Variants in PRKN observed in about 807,000 individuals in gnomAD.
PRKN encodes the protein E3 ubiquitin-protein ligase parkin.
In PRKN, 56 loss-of-function variants were observed where a neutral mutation model predicts 59.5. The observed-to-expected ratio is 0.94, with a 90% CI of 0.76 to 1.18. The LOEUF (loss-of-function observed/expected upper bound fraction) is 1.18, where lower values mean the gene tolerates loss of function less well. PRKN is among the 50% of genes most tolerant of loss of function. The pLI is 0.00. For synonymous variants in PRKN, 250 were observed against 222.1 expected (o/e 1.13, Z -1.12); for missense variants, 657 against 596.4 (o/e 1.10, Z -1.06).
chr6:162,308,326 AAG>A (rs1444049013), intron 2 of PRKN, among the ~76,000 whole-genome samples: 2 of 152,304 alleles, frequency 1.3e-5, no homozygotes, highest in South Asian at 2.1e-4. Context: ...TTTTTGTGGG[AAG>A]AGAGAAACTG....
chr6:162,585,707 A>G (rs868306093), intron 1 of PRKN, among the ~76,000 whole-genome samples: 1 of 151,006 alleles, frequency 6.6e-6, no homozygotes, highest in Non-Finnish European at 1.5e-5. Flanking sequence ...TATTATTATT[A>G]ATTTATTTAT....
chr6:161,854,044 G>A (rs998765367), intron 6 of PRKN, among the ~76,000 whole-genome samples: 1 of 143,722 alleles, frequency 7.0e-6, no homozygotes, highest in African/African-American at 2.6e-5. Flanking sequence ...TCAGGAGTTC[G>A]AAACCAGCCT....
chr6:162,378,291 T>C (rs1786232841), intron 2 of PRKN, among the ~76,000 whole-genome samples: 1 of 152,268 alleles, frequency 6.6e-6, no homozygotes, highest in Non-Finnish European at 1.5e-5. Flanking sequence ...TACTTTTTTC[T>C]GTCTCTCGTT....
intron 7 of PRKN, among the ~76,000 whole-genome samples, chr6:161,614,059 C>A (rs956274047): frequency 1.3e-5 from 2 of 152,172 alleles, no homozygotes; most frequent in African/African-American, 2.4e-5. Context: ...CACCTGTACT[C>A]CCTGCCTGCT....
At chr6:162,023,279 G>C (rs556271145) in intron 5 of PRKN, among the ~76,000 whole-genome samples, 2 of 152,240 alleles carry the variant, frequency 1.3e-5, no homozygotes, top group African/African-American at 4.8e-5. Context: ...CTCAATTAGA[G>C]CGTCTACCTT....
intron 9 of PRKN, among the ~76,000 whole-genome samples, chr6:161,433,286 G>A (rs1045307313): frequency 2.0e-5 from 3 of 152,032 alleles, no homozygotes; most frequent in Admixed American, 6.6e-5. Context: ...ATGCGTCCGC[G>A]GCATCTCAGT....
chr6:161,387,223 G>GAAAGACCT (rs1162743414), intron 9 of PRKN, among the ~76,000 whole-genome samples: 1 of 152,170 alleles, frequency 6.6e-6, no homozygotes, highest in African/African-American at 2.4e-5. Flanking sequence ...TGTGTCATGG[G>GAAAGACCT]AAAGACCTGG....
chr6:162,009,832 A>T (rs1182732923), intron 5 of PRKN, among the ~76,000 whole-genome samples: 3 of 151,732 alleles, frequency 2.0e-5, no homozygotes, highest in Non-Finnish European at 2.9e-5. Flanking sequence ...GCTACTCTGG[A>T]GGCTGAGGCA....
chr6:162,025,407 G>T (rs1256889447), intron 5 of PRKN, among the ~76,000 whole-genome samples: 2 of 151,844 alleles, frequency 1.3e-5, no homozygotes, highest in African/African-American at 4.8e-5. Flanking sequence ...TCCTTCCTGT[G>T]CAGTACAGAA....
chr6:162,509,041 C>T (rs1793728347), intron 1 of PRKN, among the ~76,000 whole-genome samples: 1 of 152,142 alleles, frequency 6.6e-6, no homozygotes, highest in African/African-American at 2.4e-5. Flanking sequence ...CACCACTGAC[C>T]TCAGTGACAA....
chr6:161,456,204 C>T lies in PRKN; in HGVS notation c.1084-69327G>A, dbSNP rs1789960701. 6.6e-6 allele frequency among the ~76,000 whole-genome samples: 1 copy of T among 152,088 alleles called. No individual in the cohort carries two copies. Among genetic ancestry groups the T allele is most frequent in the African/African-American group, 2.4e-5 (1 of 41,426 alleles). ...GTGGGACTGGGAGAGGCAGACCCACCCTCAGTCAGGATGGGCGAAATTGAA... is the reference window on the plus strand; with the variant it reads ...GTGGGACTGGGAGAGGCAGACCCACTCTCAGTCAGGATGGGCGAAATTGAA... On this transcript the variant is annotated intron_variant, in intron 9 of 11. Transcript: ENST00000366898. This position sits in a 1 kb window ranked among gnomAD's most constrained non-coding sequence, Gnocchi z 4.8.
chr6:162,137,518 T>C (rs1196040718), intron 4 of PRKN, among the ~76,000 whole-genome samples: 2 of 152,222 alleles, frequency 1.3e-5, no homozygotes, highest in Non-Finnish European at 2.9e-5. Context: ...TGTCTCAGTC[T>C]GTTTTGTGCT....
intron 6 of PRKN, among the ~76,000 whole-genome samples, chr6:161,904,256 C>A (rs2128235709): frequency 6.6e-6 from 1 of 151,552 alleles, no homozygotes; most frequent in East Asian, 1.9e-4. Flanking sequence ...AAAAAAATAG[C>A]CAGACCTTTT....
At chr6:162,443,912 A>T (rs1790183640) in intron 1 of PRKN, among the ~76,000 whole-genome samples, 1 of 151,454 alleles carries the variant, frequency 6.6e-6, no homozygotes. Context: ...ATGGAAAAAA[A>T]TCTAAGCTGC....
chr6:161,515,558 T>C (rs1778557109), intron 9 of PRKN, among the ~76,000 whole-genome samples: 1 of 152,234 alleles, frequency 6.6e-6, no homozygotes, highest in Non-Finnish European at 1.5e-5. Flanking sequence ...TCAATTGTGT[T>C]ACTTCACATG....
intron 2 of PRKN, among the ~76,000 whole-genome samples, chr6:162,263,060 A>G (rs1176501020): frequency 6.6e-6 from 1 of 152,152 alleles, no homozygotes; most frequent in African/African-American, 2.4e-5. Flanking sequence ...AACTGGATCT[A>G]TAAGCACAGT....
At position 161,518,092 on chromosome 6, in the gene PRKN, C is replaced by T. The variant is rs1778682321; in HGVS notation, c.1083+30762G>A. ...TCTATGAGGGCATGTGCGAGTCTAGCTCTCCAGATACCTTAGATGAAGGCC... is the reference window on the plus strand; with the variant it reads ...TCTATGAGGGCATGTGCGAGTCTAGTTCTCCAGATACCTTAGATGAAGGCC... On this transcript the variant is annotated intron_variant, in intron 9 of 11. Coordinates refer to ENST00000366898, the MANE Select transcript of PRKN (RefSeq NM_004562.3). This position sits in a 1 kb window ranked among gnomAD's most constrained non-coding sequence, Gnocchi z 5.0. Among the ~76,000 whole-genome samples the T allele has an allele frequency of 1.3e-5, 2 of 152,188 alleles. No homozygotes were observed. Among genetic ancestry groups the T allele is most frequent in the Non-Finnish European group, 2.9e-5 (2 of 68,028 alleles).
chr6:162,043,586 C>A (rs1784145696), intron 5 of PRKN, among the ~76,000 whole-genome samples: 1 of 152,200 alleles, frequency 6.6e-6, no homozygotes, highest in African/African-American at 2.4e-5. Flanking sequence ...AACTCTCAAT[C>A]CAGTTTCTCA....
At chr6:161,760,279 A>G (rs552972556) in intron 7 of PRKN, among the ~76,000 whole-genome samples, 1 of 149,558 alleles carries the variant, frequency 6.7e-6, no homozygotes, top group South Asian at 2.2e-4. Context: ...ACTGCCCACC[A>G]CAGCCACAGC....
Sources: allele counts gnomAD v4.1 joint callset (sites outside exome capture counted in the v4.1 genomes callset), GRCh38; gene constraint gnomAD v4.1.1; non-coding constraint Gnocchi (gnomAD v3.1); transcripts MANE v1.5; gene names NCBI Gene and HGNC (gene_info 2026-07-23, HGNC 2026-07-21).